NBEA: variants seen among roughly 807,000 people sequenced by gnomAD.
The protein encoded by NBEA is lysosomal-trafficking regulator 2.
NBEA carries 44 observed loss-of-function variants against 343.4 expected under a neutral mutation model. The observed-to-expected ratio is 0.13, with a 90% CI of 0.10 to 0.16. The LOEUF is 0.16. Among genes scored for constraint, NBEA ranks in the 10% least tolerant of loss-of-function variants. NBEA has a pLI of 1.00. For synonymous variants in NBEA, 1,175 were observed against 1,238.7 expected (o/e 0.95, Z 1.08); for missense variants, 2,555 against 3,631.3 (o/e 0.70, Z 7.62).
intron 1 of NBEA, among the ~76,000 whole-genome samples, chr13:34,959,905 AC>A (rs1268524672): frequency 6.6e-6 from 1 of 152,194 alleles, no homozygotes; most frequent in African/African-American, 2.4e-5. Context: ...TATGTACAGT[AC>A]ATAATACTTG....
At chr13:35,097,493 A>G (rs2065398405) in intron 10 of NBEA, among the ~76,000 whole-genome samples, 1 of 151,980 alleles carries the variant, frequency 6.6e-6, no homozygotes, top group African/African-American at 2.4e-5. Context: ...AGGAATATGT[A>G]TTTCCGTTAT....
At chr13:35,242,591 A>G (rs555809702) in intron 34 of NBEA, among the ~76,000 whole-genome samples, 3 of 151,972 alleles carry the variant, frequency 2.0e-5, no homozygotes, top group Middle Eastern at 6.8e-3. Context: ...ACATACAGAG[A>G]CACATTTTAA....
intron 34 of NBEA, among the ~76,000 whole-genome samples, chr13:35,283,485 G>A (rs1473193183): frequency 6.6e-6 from 1 of 151,998 alleles, no homozygotes; most frequent in South Asian, 2.1e-4. Context: ...AAATTACTTT[G>A]AAATTGCAAT....
chr13:35,371,229 T>A (rs1281686952), intron 38 of NBEA, among the ~76,000 whole-genome samples: 1 of 152,128 alleles, frequency 6.6e-6, no homozygotes, highest in African/African-American at 2.4e-5. Context: ...TTTCCTGTCA[T>A]CTTCAGTGAC....
intron 34 of NBEA, among the ~76,000 whole-genome samples, chr13:35,246,411 A>G (rs1385809389): frequency 1.3e-5 from 2 of 152,134 alleles, no homozygotes; most frequent in Non-Finnish European, 2.9e-5. Context: ...CCATTTGGGT[A>G]GGCTTTGTCA....
chr13:35,093,972 T>C (rs1159084044), intron 10 of NBEA, among the ~76,000 whole-genome samples: 1 of 151,782 alleles, frequency 6.6e-6, no homozygotes, highest in Non-Finnish European at 1.5e-5. Flanking sequence ...TTACATACTA[T>C]ATACTAATAT....
intron 58 of NBEA, 21 bp downstream of exon 58, chr13:35,668,540 G>A (rs748891743): frequency 1.3e-6 from 2 of 1,560,268 alleles, no homozygotes; most frequent in South Asian, 2.4e-5. Flanking sequence ...TCAAGGACAA[G>A]TATCATCACT....
In NBEA at chr13:35,297,128, G is replaced by A. The variant is rs1017415678; in HGVS notation, c.5838+6678G>A. Among the ~76,000 whole-genome samples the A allele has an allele frequency of 4.0e-5, 6 of 151,606 alleles. No individual in the cohort carries two copies. In the East Asian group the frequency reaches 9.7e-4, roughly 24 times the overall value. The stretch of plus-strand genomic sequence containing the variant: ...ATTCAGCATTCTCTCTTTTTTACAT[G>A]TGTTCATTTGTATGTATATGTAACT... On this transcript the variant is annotated intron_variant, in intron 35 of 58. Transcript: ENST00000379939.
chr13:35,039,359 T>G (rs567699814), intron 1 of NBEA, among the ~76,000 whole-genome samples: 1 of 152,172 alleles, frequency 6.6e-6, no homozygotes, highest in Non-Finnish European at 1.5e-5. Flanking sequence ...ATGAAGAAGC[T>G]TTTTTCTGTG....
At chr13:35,309,687 G>T (rs139726065) in intron 36 of NBEA, 95 bp downstream of exon 36, 28 of 640,184 alleles carry the variant, frequency 4.4e-5, no homozygotes, top group South Asian at 3.8e-4. Context: ...AAATGTAGAA[G>T]AAAATGTCTT....
In NBEA at chr13:35,574,391, A is replaced by AAAG. The variant is rs1228993603; in HGVS notation, c.7035+7376_7035+7377insGAA. Among the ~76,000 whole-genome samples the AAAG allele has an allele frequency of 8.6e-3, 990 of 115,638 alleles. 30 individuals carry two copies. The highest frequency in any genetic ancestry group is 0.036 in the African/African-American group (938 of 25,824). The allele number at this position is 115,638 out of a possible 152,430, so 75.9% of individuals were successfully genotyped here. A position where few individuals can be genotyped will look rare whatever the true frequency, so the allele number is the denominator to read the frequency against. On this transcript the variant is annotated intron_variant, in intron 45 of 58. Coordinates refer to ENST00000379939, the MANE Select transcript of NBEA (RefSeq NM_001385012.1). Reference sequence around the variant, plus strand: ...TTTTTATACACTATCAAAAAAAAAGAAAAACAAAAGAAAAAAAACAAGGAA... The same window carrying AAAG: ...TTTTTATACACTATCAAAAAAAAAGAAAGAAAACAAAAGAAAAAAAACAAGGAA...
intron 38 of NBEA, among the ~76,000 whole-genome samples, chr13:35,365,846 G>A (rs2248565): frequency 0.032 from 4,860 of 151,650 alleles, 195 homozygotes; most frequent in East Asian, 0.17. Context: ...TAAGTGAAGA[G>A]TAAATTGGTT....
chr13:35,577,673 C>T (rs1252409808), intron 45 of NBEA, among the ~76,000 whole-genome samples: 2 of 151,998 alleles, frequency 1.3e-5, no homozygotes, highest in Admixed American at 1.3e-4. Flanking sequence ...TTGGGTCAAT[C>T]AGTCTTCATT....
chr13:35,057,346 C>T (rs2063308286), intron 7 of NBEA, among the ~76,000 whole-genome samples: 2 of 152,058 alleles, frequency 1.3e-5, no homozygotes, highest in African/African-American at 2.4e-5. Flanking sequence ...CAGACTACAC[C>T]CTATGAGCCA....
At chr13:35,199,045 G>A (rs769477066) in intron 31 of NBEA, among the ~76,000 whole-genome samples, 7 of 152,006 alleles carry the variant, frequency 4.6e-5, no homozygotes, top group Admixed American at 3.9e-4. Flanking sequence ...CCAGCCAGAC[G>A]GGTTTGATTG....
chr13:35,477,634 A>G (rs555056881), intron 41 of NBEA, among the ~76,000 whole-genome samples: 25 of 152,318 alleles, frequency 1.6e-4, no homozygotes, highest in Admixed American at 7.8e-4. Flanking sequence ...GGTTTGGGGT[A>G]TCTGGCTTGT....
intron 6 of NBEA, among the ~76,000 whole-genome samples, chr13:35,053,094 G>T (rs2063122515): frequency 6.6e-6 from 1 of 151,968 alleles, no homozygotes. Flanking sequence ...CTTTGCAGTG[G>T]CTTTTCAATT....
At chr13:35,563,895 T>C (rs1185686506) in intron 44 of NBEA, among the ~76,000 whole-genome samples, 2 of 148,884 alleles carry the variant, frequency 1.3e-5, no homozygotes, top group East Asian at 3.9e-4. Context: ...TTAACTTTTA[T>C]TTTAGGTTCA....
At chr13:35,295,986 A>G (rs532661290) in intron 35 of NBEA, among the ~76,000 whole-genome samples, 15 of 152,192 alleles carry the variant, frequency 9.9e-5, no homozygotes, top group Non-Finnish European at 1.6e-4. Context: ...GATACATACA[A>G]TACTCACACA....
Sources: gnomAD v4.1 joint callset for allele counts (sites outside exome capture counted in the v4.1 genomes callset) on GRCh38, gnomAD v4.1.1 for gene constraint, MANE v1.5 for transcripts, NCBI Gene and HGNC (gene_info 2026-07-23, HGNC 2026-07-21) for gene names.